CNTNAP4: variants seen among roughly 807,000 people sequenced by gnomAD.
CNTNAP4 encodes the protein contactin associated protein family member 4, also known as contactin-associated protein-like 4.
Under a neutral mutation model 148.4 loss-of-function variants are expected in CNTNAP4, and 98 were observed. The observed-to-expected ratio is 0.66, with a 90% CI of 0.56 to 0.78. The LOEUF is 0.78. Ranked by LOEUF, CNTNAP4 falls within the 30% of genes least tolerant of loss-of-function variation. CNTNAP4 has a pLI of 0.00. For synonymous variants in CNTNAP4, 730 were observed against 565.1 expected (o/e 1.29, Z -4.14); for missense variants, 1,935 against 1,565.6 (o/e 1.24, Z -3.98).
intron 12 of CNTNAP4, among the ~76,000 whole-genome samples, chr16:76,485,309 G>A (rs2081990758): frequency 6.6e-6 from 1 of 151,878 alleles, no homozygotes; most frequent in African/African-American, 2.4e-5. Flanking sequence ...TAGAGATGGG[G>A]TTTCTCCATG....
intron 9 of CNTNAP4, among the ~76,000 whole-genome samples, chr16:76,464,722 G>A (rs1024015187): frequency 3.9e-5 from 6 of 152,138 alleles, no homozygotes; most frequent in African/African-American, 1.4e-4. Context: ...GTCATATTGG[G>A]AGAGTGGGCT....
At chr16:76,514,588 TA>T (rs1341047776) in intron 15 of CNTNAP4, among the ~76,000 whole-genome samples, 7 of 152,132 alleles carry the variant, frequency 4.6e-5, no homozygotes, top group Non-Finnish European at 1.0e-4. Flanking sequence ...TGGGGGTGGT[TA>T]GGGGGTGTTT....
intron 9 of CNTNAP4, among the ~76,000 whole-genome samples, chr16:76,465,525 G>T (rs1441947171): frequency 1.3e-5 from 2 of 152,166 alleles, no homozygotes; most frequent in Non-Finnish European, 2.9e-5. Context: ...TTCTGAGTTA[G>T]TTTGAGATGT....
chr16:76,319,392 A>G (rs1381292207), intron 2 of CNTNAP4, among the ~76,000 whole-genome samples: 1 of 152,024 alleles, frequency 6.6e-6, no homozygotes, highest in Admixed American at 6.6e-5. Flanking sequence ...GTCTCAAAAG[A>G]GAGAGAGGGA....
At chr16:76,278,542 A>G (rs1169504075) in intron 1 of CNTNAP4, among the ~76,000 whole-genome samples, 2 of 152,012 alleles carry the variant, frequency 1.3e-5, no homozygotes, top group Non-Finnish European at 2.9e-5. Flanking sequence ...CCCTTCATCC[A>G]CTCTTTATTA....
intron 2 of CNTNAP4, among the ~76,000 whole-genome samples, chr16:76,340,267 C>G (rs181875719): frequency 2.6e-5 from 4 of 151,964 alleles, no homozygotes; most frequent in Non-Finnish European, 5.9e-5. Context: ...TGCCCAAGTT[C>G]CCCCCCAAAT....
chr16:76,417,137 G>A (rs751438602), intron 3 of CNTNAP4, among the ~76,000 whole-genome samples: 3 of 151,170 alleles, frequency 2.0e-5, no homozygotes, highest in East Asian at 1.9e-4. Context: ...CAACATAGCT[G>A]GGCCTACTCT....
intron 1 of CNTNAP4, among the ~76,000 whole-genome samples, chr16:76,300,156 AAAG>A (rs1424077285): frequency 6.6e-6 from 1 of 152,146 alleles, no homozygotes; most frequent in Non-Finnish European, 1.5e-5. Context: ...AATAATAAAA[AAAG>A]AAGTTAAGGC....
chr16:76,405,665 G>A (rs1206130482), intron 3 of CNTNAP4, among the ~76,000 whole-genome samples: 1 of 152,080 alleles, frequency 6.6e-6, no homozygotes, highest in Non-Finnish European at 1.5e-5. Context: ...AGTCTGAGGA[G>A]GAGGAGGGAG....
At chr16:76,383,738 T>G (rs1289790224) in intron 3 of CNTNAP4, among the ~76,000 whole-genome samples, 1 of 152,162 alleles carries the variant, frequency 6.6e-6, no homozygotes, top group African/African-American at 2.4e-5. Flanking sequence ...AAAGATACAC[T>G]TTGAGATATT....
At chr16:76,334,832 C>G (rs1054506380) in intron 2 of CNTNAP4, among the ~76,000 whole-genome samples, 2 of 152,008 alleles carry the variant, frequency 1.3e-5, no homozygotes, top group Non-Finnish European at 2.9e-5. Flanking sequence ...TACTTATTTT[C>G]TGAGTTTTAA....
chr16:76,504,385 T>C (rs1245164066), intron 15 of CNTNAP4, among the ~76,000 whole-genome samples: 1 of 151,112 alleles, frequency 6.6e-6, no homozygotes, highest in Non-Finnish European at 1.5e-5. Flanking sequence ...CTGGAACAAT[T>C]CGAATCCAAT....
intron 1 of CNTNAP4, among the ~76,000 whole-genome samples, chr16:76,298,718 C>T (rs1481997482): frequency 6.6e-6 from 1 of 152,084 alleles, no homozygotes; most frequent in Non-Finnish European, 1.5e-5. Flanking sequence ...GGATGCTGGC[C>T]AACTGGACTG....
chr16:76,427,414 C>T (rs770557037), intron 3 of CNTNAP4, 38 bp from the exon 4 acceptor site: 49 of 1,572,462 alleles, frequency 3.1e-5, no homozygotes, highest in Non-Finnish European at 4.2e-5. Context: ...TGGATGTTCT[C>T]CAGATACATT....
At chr16:76,493,756 T>C (rs924439204) in intron 13 of CNTNAP4, among the ~76,000 whole-genome samples, 8 of 152,214 alleles carry the variant, frequency 5.3e-5, no homozygotes, top group Non-Finnish European at 1.0e-4. Flanking sequence ...TTAATGCATT[T>C]ATGCATAACA....
chr16:76,371,089 A>G (rs567059162), intron 3 of CNTNAP4, among the ~76,000 whole-genome samples: 1 of 152,258 alleles, frequency 6.6e-6, no homozygotes, highest in Non-Finnish European at 1.5e-5. Flanking sequence ...GCTCTCCTTA[A>G]TCAATTATCG....
chr16:76,341,079 G>T (rs1964432891), intron 2 of CNTNAP4, among the ~76,000 whole-genome samples: 1 of 152,156 alleles, frequency 6.6e-6, no homozygotes. Flanking sequence ...TCTGGAGTTT[G>T]CCTCTGCTCT....
At chr16:76,510,897 G>T (rs1461098623) in intron 15 of CNTNAP4, among the ~76,000 whole-genome samples, 9 of 152,136 alleles carry the variant, frequency 5.9e-5, no homozygotes, top group Admixed American at 2.6e-4. Flanking sequence ...GGACTCTGAG[G>T]CCATACTGGT....
chr16:76,538,049 A>T (rs1301391607), intron 18 of CNTNAP4, 67 bp from the exon 19 acceptor site: 1 of 682,574 alleles, frequency 1.5e-6, no homozygotes, highest in Non-Finnish European at 2.1e-6. Flanking sequence ...AAATATAATT[A>T]TTGTAACTAA....
Sources: gnomAD v4.1 joint callset for allele counts (sites outside exome capture counted in the v4.1 genomes callset) on GRCh38, gnomAD v4.1.1 for gene constraint, MANE v1.5 for transcripts, NCBI Gene and HGNC (gene_info 2026-07-23, HGNC 2026-07-21) for gene names.